Variants in PXK observed in about 807,000 individuals in gnomAD.
The protein encoded by PXK is PX domain containing serine/threonine kinase like, also known as PX domain-containing protein kinase-like protein.
PXK carries 35 observed loss-of-function variants against 84.7 expected under a neutral mutation model. The observed-to-expected ratio is 0.41, with a 90% CI of 0.32 to 0.55. The LOEUF (loss-of-function observed/expected upper bound fraction) is 0.55, where lower values mean the gene tolerates loss of function less well. PXK is among the 20% of genes least tolerant of loss of function. The probability of loss-of-function intolerance (pLI) is 0.21; values close to 1 mark genes in which losing one functional copy is unlikely to be tolerated. For synonymous variants in PXK, 253 were observed against 260.8 expected (o/e 0.97, Z 0.29); for missense variants, 634 against 699.7 (o/e 0.91, Z 1.06).
chr3:58,410,853 C>A (rs1482729016), intron 16 of PXK, among the ~76,000 whole-genome samples: 1 of 152,136 alleles, frequency 6.6e-6, no homozygotes, highest in African/African-American at 2.4e-5. Flanking sequence ...CCTGAAGGGC[C>A]ACGGGAATGG....
Position 58,403,870 on chromosome 3 carries a change from G to T in PXK, c.1190G>T (p.Ser397Ile). 1 of 1,546,518 alleles carries T rather than the reference G, an allele frequency of 6.5e-7. No homozygotes were observed. The highest frequency in any genetic ancestry group is 8.8e-7 in the Non-Finnish European group (1 of 1,136,908). The change falls in exon 13 of 18, where the codon AGC (serine) becomes ATC (isoleucine). Residue 397 changes from serine to isoleucine, a missense_variant. Transcript: ENST00000356151. ...ISRLLQMPLFSDVLLTTSEKP... is the reference protein window; with the variant it reads ...ISRLLQMPLFIDVLLTTSEKP... ...GTTTCTTTTCTTTACAGATTATTCAGCGATGTTTTACTAACCACTTCTGAA... is the reference window on the plus strand; with the variant it reads ...GTTTCTTTTCTTTACAGATTATTCATCGATGTTTTACTAACCACTTCTGAA...
intron 17 of PXK, among the ~76,000 whole-genome samples, chr3:58,417,163 C>G (rs1431525824): frequency 6.6e-6 from 1 of 152,298 alleles, no homozygotes; most frequent in Non-Finnish European, 1.5e-5. Flanking sequence ...ACCTCAGCCT[C>G]CAAATTGCTG....
chr3:58,351,685 G>T, intron 1 of PXK, among the ~76,000 whole-genome samples: 1 of 151,568 alleles, frequency 6.6e-6, no homozygotes, highest in East Asian at 1.9e-4. Flanking sequence ...CCTGAAAAAC[G>T]TAGGAAAAAA....
rs762744559 is a variant in PXK, at chr3:58,425,366, TAC to T, written c.*408_*409del. ...AGACAGCTCCTAGAAACATTCCTCT[TAC>T]AGTTCATTTCTCTAAAGCATTTTCT... On this transcript the variant is annotated 3_prime_UTR_variant, in exon 18 of 18. Transcript: ENST00000356151. 213 of 165,298 alleles carry T rather than the reference TAC, an allele frequency of 1.3e-3. 1 individual carries two copies. The highest frequency in any genetic ancestry group is 2.3e-3 in the Non-Finnish European group (171 of 75,800). 10.2% of individuals were successfully genotyped at this position (165,298 alleles called of 1,614,324 possible).
intron 17 of PXK, among the ~76,000 whole-genome samples, chr3:58,417,218 T>A (rs1184297145): frequency 6.6e-6 from 1 of 152,236 alleles, no homozygotes; most frequent in Non-Finnish European, 1.5e-5. Context: ...CAGTTCTTTC[T>A]AATCAAGCAC....
chr3:58,397,765 T>A lies in PXK; in HGVS notation c.1102+43T>A. 6.8e-7 allele frequency: 1 copy of A among 1,466,846 alleles called. No individual in the cohort carries two copies. The highest frequency in any genetic ancestry group is 1.4e-5 in the African/African-American group (1 of 72,044). The allele number at this position is 1,466,846 out of a possible 1,614,324, so 90.9% of individuals were successfully genotyped here. ...AAGGGTCTTCTGGGCCCTAGTAGTG[T>A]GCAGAGCCACTCATCCCCTTTCCAG... On this transcript the variant is annotated intron_variant, in intron 11 of 17. Coordinates refer to ENST00000356151, the MANE Select transcript of PXK (RefSeq NM_017771.5). The surrounding 1 kb of genome is among the most constrained non-coding windows in gnomAD (Gnocchi z 4.7).
chr3:58,407,810 G>A lies in PXK; in HGVS notation c.1231-1114G>A, dbSNP rs1285479948. Among the ~76,000 whole-genome samples, 1 of 152,168 alleles carries A rather than the reference G, an allele frequency of 6.6e-6. No individual in the cohort carries two copies. Among genetic ancestry groups the A allele is most frequent in the Non-Finnish European group, 1.5e-5 (1 of 68,028 alleles). ...GACCTCAAGTGATCCACCCACCTCA[G>A]CCTCCCAAAGTATTGGGATTACAGG... is the stretch of plus-strand genomic sequence containing the variant. On this transcript the variant is annotated intron_variant, in intron 13 of 17. Coordinates refer to ENST00000356151, the MANE Select transcript of PXK (RefSeq NM_017771.5). This position sits in a 1 kb window ranked among gnomAD's most constrained non-coding sequence, Gnocchi z 4.3.
chr3:58,351,057 G>C (rs375769300), intron 1 of PXK, among the ~76,000 whole-genome samples: 28 of 152,126 alleles, frequency 1.8e-4, no homozygotes, highest in African/African-American at 6.7e-4. Flanking sequence ...TGTTTTCCCA[G>C]TCTCCCCAGC....
chr3:58,389,697 A>C (rs2098603820), intron 4 of PXK, among the ~76,000 whole-genome samples: 1 of 151,204 alleles, frequency 6.6e-6, no homozygotes. Flanking sequence ...AACCACACGC[A>C]CCAGAAATTA....
intron 3 of PXK, among the ~76,000 whole-genome samples, chr3:58,380,693 C>T (rs56113711): frequency 0.29 from 44,609 of 152,004 alleles, 7,335 homozygotes; most frequent in Middle Eastern, 0.39. Flanking sequence ...TGCCTGTAAT[C>T]CCAGCTGCTT....
chr3:58,364,537 C>G lies in PXK; in HGVS notation c.103-1337C>G, dbSNP rs150722582. On this transcript the variant is annotated intron_variant, in intron 1 of 17. Coordinates refer to ENST00000356151, the MANE Select transcript of PXK (RefSeq NM_017771.5). This position sits in a 1 kb window ranked among gnomAD's most constrained non-coding sequence, Gnocchi z 4.3. Reference sequence around the variant, plus strand: ...GACCAGCTGGGCCAATATGGTGAAACCCCATCTCCGCTAAAAACACAAAAA... The same window carrying G: ...GACCAGCTGGGCCAATATGGTGAAAGCCCATCTCCGCTAAAAACACAAAAA... Among the ~76,000 whole-genome samples the G allele has an allele frequency of 1.8e-3, 268 of 152,170 alleles. 2 individuals carry two copies. Among genetic ancestry groups the G allele is most frequent in the African/African-American group, 6.0e-3 (250 of 41,502 alleles).
intron 1 of PXK, among the ~76,000 whole-genome samples, chr3:58,335,885 G>A (rs761756466): frequency 3.3e-5 from 5 of 151,650 alleles, no homozygotes; most frequent in Non-Finnish European, 5.9e-5. Flanking sequence ...TCTTGATGAA[G>A]TATTTGTAAA....
rs138641244 is a variant in PXK, at chr3:58,358,237, C to T, written c.103-7637C>T. ...ATCACCATGGTGTGCAGTAGATCAC[C>T]ACAGCATATTCTTCGTGTCTTACTT... On this transcript the variant is annotated intron_variant, in intron 1 of 17. Transcript: ENST00000356151. 1.1e-4 allele frequency among the ~76,000 whole-genome samples: 17 copies of T among 152,226 alleles called. 1 individual carries two copies. Among genetic ancestry groups the T allele is most frequent in the African/African-American group, 4.1e-4 (17 of 41,520 alleles).
intron 13 of PXK, among the ~76,000 whole-genome samples, chr3:58,405,121 A>G (rs1576639451): frequency 1.3e-5 from 2 of 152,322 alleles, no homozygotes; most frequent in East Asian, 1.9e-4. Flanking sequence ...AAAATCCAAC[A>G]TTAGTTCTTG....
intron 17 of PXK, chr3:58,422,363 G>A: frequency 1.0e-6 from 1 of 985,340 alleles, no homozygotes; most frequent in South Asian, 4.7e-5. Context: ...TGTAGGCCCA[G>A]TGAGGAAAAG....
intron 3 of PXK, among the ~76,000 whole-genome samples, chr3:58,371,142 A>G (rs1162725613): frequency 1.3e-5 from 2 of 152,250 alleles, no homozygotes; most frequent in African/African-American, 4.8e-5. Flanking sequence ...ATGTATTGCC[A>G]TACTTGTCAT....
intron 17 of PXK, among the ~76,000 whole-genome samples, chr3:58,417,501 T>C (rs1015797900): frequency 6.6e-6 from 1 of 152,164 alleles, no homozygotes; most frequent in Admixed American, 6.5e-5. Flanking sequence ...GGGGGCTCCT[T>C]CTTGAGGTCC....
chr3:58,363,016 C>T (rs1363084755), intron 1 of PXK, among the ~76,000 whole-genome samples: 3 of 151,930 alleles, frequency 2.0e-5, no homozygotes, highest in African/African-American at 7.3e-5. Context: ...GACTTGGCCC[C>T]ATCTACATTT....
At chr3:58,408,756 G>T (rs181798025) in intron 13 of PXK, among the ~76,000 whole-genome samples, 168 bp from the exon 14 acceptor site, 1 of 152,020 alleles carries the variant, frequency 6.6e-6, no homozygotes, top group Non-Finnish European at 1.5e-5. Flanking sequence ...TCTCCTGACC[G>T]CGTGATCCGC....
Sources: gnomAD v4.1 joint callset for allele counts (sites outside exome capture counted in the v4.1 genomes callset) on GRCh38, gnomAD v4.1.1 for gene constraint, Gnocchi (gnomAD v3.1) non-coding constraint, MANE v1.5 for transcripts, NCBI Gene and HGNC (gene_info 2026-07-23, HGNC 2026-07-21) for gene names.